PCDH11X: variants seen among roughly 807,000 people sequenced by gnomAD.
PCDH11X encodes the protein protocadherin 11 X-linked.
PCDH11X carries 18 observed loss-of-function variants against 53.3 expected under a neutral mutation model. The observed-to-expected ratio is 0.34, with a 90% CI of 0.23 to 0.50. The LOEUF (loss-of-function observed/expected upper bound fraction) is 0.50, where lower values mean the gene tolerates loss of function less well. PCDH11X is among the 20% of genes least tolerant of loss of function. PCDH11X has a pLI of 0.98. For synonymous variants in PCDH11X, 279 were observed against 393.3 expected, an observed-to-expected ratio of 0.71 and a Z score of 3.44; for missense variants, 570 against 1,032.4, an observed-to-expected ratio of 0.55 and a Z score of 6.14.
At chrX:91,902,240 A>G (rs888535522) in intron 6 of PCDH11X, among the ~76,000 whole-genome samples, 3 of 110,278 alleles carry the variant, frequency 2.7e-5, no homozygotes, top group Non-Finnish European at 5.7e-5. Context: ...TTGCTCTTCA[A>G]AACATCTTAA....
At chrX:91,914,420 T>TAAA (rs1333164954) in intron 6 of PCDH11X, among the ~76,000 whole-genome samples, 2 of 110,989 alleles carry the variant, frequency 1.8e-5, no homozygotes, top group Non-Finnish European at 3.8e-5. Context: ...AATTGCCAGA[T>TAAA]AAACACTTCA....
chrX:92,471,949 G>C (rs1366701339), intron 10 of PCDH11X, among the ~76,000 whole-genome samples: 4 of 111,241 alleles, frequency 3.6e-5, no homozygotes, highest in African/African-American at 1.3e-4. Context: ...CTTTTTAATG[G>C]AGTTGTTTTT....
rs763746887 is a variant in PCDH11X at position 92,575,362 on chromosome X, A to G, written c.3368-42902A>G. Among the ~76,000 whole-genome samples, 4 of 110,262 alleles carry G rather than the reference A, an allele frequency of 3.6e-5. No homozygotes were observed. The South Asian group carries it at 1.1e-3, about 31-fold the overall frequency. ...TTTCAGGATTTGTTTTTAATTTTTA[A>G]TAATTTTTATATGGTGAAAATTTAC... On this transcript the variant is annotated intron_variant, in intron 10 of 10. Coordinates refer to ENST00000682573, the MANE Select transcript of PCDH11X (RefSeq NM_032968.5).
At chrX:91,786,910 T>G (rs2147512785) in intron 1 of PCDH11X, among the ~76,000 whole-genome samples, 1 of 111,621 alleles carries the variant, frequency 9.0e-6, no homozygotes, top group Admixed American at 9.5e-5. Flanking sequence ...TGTCTTGGAT[T>G]AAAAAATAAA....
At chrX:92,084,045 T>C (rs965348404) in intron 6 of PCDH11X, among the ~76,000 whole-genome samples, 5 of 108,635 alleles carry the variant, frequency 4.6e-5, no homozygotes, top group African/African-American at 1.7e-4. Flanking sequence ...GAGCAGAGAT[T>C]GCACCACTGC....
intron 9 of PCDH11X, among the ~76,000 whole-genome samples, chrX:92,440,662 A>G: frequency 9.0e-6 from 1 of 111,088 alleles, no homozygotes; most frequent in Middle Eastern, 4.7e-3. Context: ...AGGCCTCTCC[A>G]GCCATGTGGA....
chrX:92,525,433 C>G (rs1336840038), intron 10 of PCDH11X, among the ~76,000 whole-genome samples: 1 of 109,614 alleles, frequency 9.1e-6, no homozygotes, highest in Non-Finnish European at 1.9e-5. Context: ...GAGTTCGAGA[C>G]CAGCCTGACC....
intron 6 of PCDH11X, among the ~76,000 whole-genome samples, chrX:91,965,913 A>G (rs1374057384): frequency 8.9e-6 from 1 of 111,822 alleles, no homozygotes; most frequent in Non-Finnish European, 1.9e-5. Context: ...TGAGATGACA[A>G]GTATTACCAA....
chrX:92,004,944 T>A (rs923103977), intron 6 of PCDH11X, among the ~76,000 whole-genome samples: 3 of 109,071 alleles, frequency 2.8e-5, no homozygotes, highest in Non-Finnish European at 5.7e-5. Context: ...CCCGGCTAAT[T>A]TTTTGTATTT....
chrX:92,312,231 T>A (rs2068966191), intron 8 of PCDH11X, among the ~76,000 whole-genome samples: 1 of 111,500 alleles, frequency 9.0e-6, no homozygotes, highest in Admixed American at 9.5e-5. Context: ...CATAGTTGAT[T>A]ACCTTTTAAA....
At chrX:91,870,803 A>G (rs28635836) in intron 5 of PCDH11X, among the ~76,000 whole-genome samples, 1 of 109,307 alleles carries the variant, frequency 9.1e-6, no homozygotes. Context: ...TTACCCAAAG[A>G]GAGATGGTGT....
At chrX:92,593,194 C>A (rs185475027) in intron 10 of PCDH11X, among the ~76,000 whole-genome samples, 1 of 110,637 alleles carries the variant, frequency 9.0e-6, no homozygotes, top group Admixed American at 9.7e-5. Context: ...AGGTAATAAA[C>A]GGCTTCTATG....
chrX:92,569,376 T>A (rs1159432047), intron 10 of PCDH11X, among the ~76,000 whole-genome samples: 4 of 109,661 alleles, frequency 3.6e-5, no homozygotes, highest in African/African-American at 1.3e-4. Context: ...ATGTGGCTTT[T>A]AAAAAAATGT....
At chrX:91,953,707 C>T in intron 6 of PCDH11X, among the ~76,000 whole-genome samples, 1 of 109,640 alleles carries the variant, frequency 9.1e-6, no homozygotes, top group South Asian at 4.0e-4. Flanking sequence ...CTTTATTATA[C>T]ATTGTTTTAA....
At chrX:92,505,152 C>CTTTTTTTTTTTTTTTTTTTTT (rs58620449) in intron 10 of PCDH11X, among the ~76,000 whole-genome samples, 1 of 64,256 alleles carries the variant, frequency 1.6e-5, no homozygotes, top group Non-Finnish European at 2.8e-5. Context: ...TTTCTTTTTT[C>CTTTTTTTTTTTTTTTTTTTTT]TTTTTTTTTT....
chrX:92,205,381 A>C (rs1027061683), intron 7 of PCDH11X, among the ~76,000 whole-genome samples: 4 of 111,310 alleles, frequency 3.6e-5, no homozygotes, highest in Non-Finnish European at 7.5e-5. Flanking sequence ...GAATTATACT[A>C]CTAGTTTATT....
chrX:91,907,412 C>CACACACAGAGAGAG (rs756926383), intron 6 of PCDH11X, among the ~76,000 whole-genome samples: 17 of 57,488 alleles, frequency 3.0e-4, no homozygotes, highest in East Asian at 1.2e-3. Context: ...CACACACACA[C>CACACACAGAGAGAG]AGAGAGAGAG....
At chrX:92,030,691 G>A (rs1290436079) in intron 6 of PCDH11X, among the ~76,000 whole-genome samples, 2 of 107,585 alleles carry the variant, frequency 1.9e-5, no homozygotes, top group African/African-American at 6.9e-5. Context: ...CAATGTCCAT[G>A]AGTTCAATTG....
chrX:92,129,327 G>A (rs753147959), intron 6 of PCDH11X, among the ~76,000 whole-genome samples: 3 of 111,112 alleles, frequency 2.7e-5, no homozygotes, highest in African/African-American at 9.9e-5. Context: ...GGAGGCAGAA[G>A]TTGCAGTGAG....
Sources: allele counts gnomAD v4.1 joint callset (sites outside exome capture counted in the v4.1 genomes callset), GRCh38; gene constraint gnomAD v4.1.1; transcripts MANE v1.5; gene names NCBI Gene and HGNC (gene_info 2026-07-23, HGNC 2026-07-21).